Variants in FHOD3 observed in about 807,000 individuals in gnomAD.
The protein encoded by FHOD3 is FH1/FH2 domain-containing protein 3.
A neutral mutation model predicts 173.0 loss-of-function variants in FHOD3; 90 were observed. That is an observed-to-expected ratio of 0.52 (90% confidence interval 0.44 to 0.62). The LOEUF (loss-of-function observed/expected upper bound fraction) is 0.62. Among genes scored for constraint, FHOD3 ranks in the 20% least tolerant of loss-of-function variants. FHOD3 has a pLI of 0.00. For synonymous variants in FHOD3, 828 were observed against 823.0 expected (o/e 1.01, Z -0.10); for missense variants, 1,945 against 2,034.7 (o/e 0.96, Z 0.85).
chr18:36,539,076 A>G (rs961830997), intron 5 of FHOD3, among the ~76,000 whole-genome samples: 3 of 152,260 alleles, frequency 2.0e-5, no homozygotes, highest in Non-Finnish European at 2.9e-5. Context: ...TACGCATCTT[A>G]TGTTGCTTAG....
intron 1 of FHOD3, among the ~76,000 whole-genome samples, chr18:36,325,929 A>T (rs1203136152): frequency 3.3e-5 from 5 of 152,232 alleles, no homozygotes; most frequent in Admixed American, 6.5e-5. Flanking sequence ...AATCTGAACG[A>T]GAAGTTTTAA....
chr18:36,576,540 T>C lies in FHOD3; in HGVS notation c.601T>C (p.Ser201Pro), dbSNP rs2058660375. The C allele has an allele frequency of 2.5e-6, 4 of 1,611,952 alleles. No individual in the cohort carries two copies. Among genetic ancestry groups the C allele is most frequent in the Non-Finnish European group, 3.4e-6 (4 of 1,178,890 alleles). Residue 201 changes from serine (S) to proline (P), a missense_variant, in exon 6 of 29, where the codon TCA (serine) becomes CCA (proline). Transcript: ENST00000590592. The part of the protein sequence containing the change: ...TIQWLYTLIG[S>P]KFRLVVKTAL... ...TCAGTGGCTGTACACTCTCATTGGG[T>C]CAAAGGTAAGGGGAAGTTATGGTTG...
chr18:36,398,709 T>C (rs1196584022), intron 3 of FHOD3, among the ~76,000 whole-genome samples: 1 of 152,238 alleles, frequency 6.6e-6, no homozygotes, highest in Admixed American at 6.5e-5. Flanking sequence ...ATCCCACTCA[T>C]TCACATGTGC....
At chr18:36,754,132 T>G (rs925800716) in intron 24 of FHOD3, among the ~76,000 whole-genome samples, 2 of 152,262 alleles carry the variant, frequency 1.3e-5, no homozygotes, top group Non-Finnish European at 2.9e-5. Flanking sequence ...TTCTACTTTA[T>G]TTTCTTCTAA....
intron 3 of FHOD3, among the ~76,000 whole-genome samples, chr18:36,402,806 C>T (rs1219581209): frequency 6.6e-6 from 1 of 152,194 alleles, no homozygotes; most frequent in Non-Finnish European, 1.5e-5. Context: ...TTCCACTTTT[C>T]AGATTATCTG....
At chr18:36,612,186 T>A in intron 9 of FHOD3, 91 bp downstream of exon 9, 1 of 1,360,300 alleles carries the variant, frequency 7.4e-7, no homozygotes, top group Non-Finnish European at 1.0e-6. Flanking sequence ...GCGTAAAGCG[T>A]ATGAGCACCA....
chr18:36,559,064 C>A (rs1213883191), intron 5 of FHOD3, among the ~76,000 whole-genome samples: 3 of 152,194 alleles, frequency 2.0e-5, no homozygotes, highest in Non-Finnish European at 2.9e-5. Context: ...GTCATCTTCA[C>A]CTATTGTAGT....
rs758818742 is a variant in FHOD3, at chr18:36,681,509, C to T, written c.1909C>T (p.Arg637Trp). ...GTCACTGGCAGCAGAGAGAGAGAGG[C>T]GGCGGCAGGAGAGAGAAGAAAGGTT... Reference protein sequence around the residue: ...QESLAAERERRRQEREERLQR... With the variant: ...QESLAAERERWRQEREERLQR... The change falls in exon 15 of 29, where the codon CGG (arginine) becomes TGG (tryptophan). Residue 637 changes from arginine (R) to tryptophan (W), a missense_variant. This residue lies in a region of FHOD3 where 1,099 missense variants were observed against 1,051.2 expected (regional missense o/e 1.05). Coordinates refer to ENST00000590592, the MANE Select transcript of FHOD3 (RefSeq NM_001281740.3). 20 of 1,613,416 alleles carry T rather than the reference C, an allele frequency of 1.2e-5. No individual in the cohort carries two copies. In the Admixed American group the frequency reaches 1.5e-4, roughly 12 times the overall value.
intron 24 of FHOD3, among the ~76,000 whole-genome samples, chr18:36,751,654 A>G (rs1388904025): frequency 3.3e-5 from 5 of 152,194 alleles, no homozygotes; most frequent in African/African-American, 9.7e-5. Flanking sequence ...ATGTTCCTTC[A>G]ATACCTAGTT....
At chr18:36,597,960 A>G (rs1026077568) in intron 7 of FHOD3, among the ~76,000 whole-genome samples, 1 of 152,206 alleles carries the variant, frequency 6.6e-6, no homozygotes, top group Admixed American at 6.5e-5. Flanking sequence ...TGCTAGTAGA[A>G]TTGTTCCTGA....
At position 36,456,865 on chromosome 18, in the gene FHOD3, G is replaced by C. The variant is rs187120263; in HGVS notation, c.338-45067G>C. Among the ~76,000 whole-genome samples the C allele has an allele frequency of 1.1e-4, 17 of 152,222 alleles. 1 individual carries two copies. The highest frequency in any genetic ancestry group is 2.1e-4 in the Non-Finnish European group (14 of 68,024). ...ACTTGCCACAGTGCCATTTAGTGCT[G>C]ACTAAGTGTGAGTCTGAGAAGAAAA... On this transcript the variant is annotated intron_variant, in intron 3 of 28. Transcript: ENST00000590592.
chr18:36,641,590 C>T (rs1207440446), intron 10 of FHOD3, among the ~76,000 whole-genome samples: 1 of 152,190 alleles, frequency 6.6e-6, no homozygotes, highest in Non-Finnish European at 1.5e-5. Context: ...TCTTCCCTCA[C>T]TGGTCTGTAA....
chr18:36,374,617 A>G (rs1288398256), intron 3 of FHOD3, among the ~76,000 whole-genome samples: 2 of 152,224 alleles, frequency 1.3e-5, no homozygotes, highest in Admixed American at 1.3e-4. Context: ...ATAAAATCTA[A>G]GAGGATTCTA....
At chr18:36,631,105 C>T (rs528568965) in intron 10 of FHOD3, among the ~76,000 whole-genome samples, 49 of 152,274 alleles carry the variant, frequency 3.2e-4, no homozygotes, top group African/African-American at 1.2e-3. Flanking sequence ...AGTGGAGAGC[C>T]CACTTGAGCT....
In FHOD3 at chr18:36,769,352, A is replaced by G. The variant is rs1354061501; in HGVS notation, c.4712A>G (p.Lys1571Arg). 5 of 1,614,210 alleles carry G rather than the reference A, an allele frequency of 3.1e-6. No homozygotes were observed. In the East Asian group the frequency reaches 8.9e-5, roughly 29 times the overall value. ...GATGAGATCATGGACCGCATCGTCA[A>G]GTCAGCCACCCAAGTGCCCAGTCAG... ...AADEIMDRIV[K>R]SATQVPSQRV... Residue 1571 changes from lysine to arginine, a missense_variant, in exon 28 of 29, where the codon AAG becomes AGG. Physicochemically the swap from Lys to Arg is conservative, Grantham distance 26. Coordinates refer to ENST00000590592, the MANE Select transcript of FHOD3 (RefSeq NM_001281740.3).
intron 1 of FHOD3, among the ~76,000 whole-genome samples, chr18:36,342,366 T>A (rs989942233): frequency 6.6e-6 from 1 of 152,130 alleles, no homozygotes; most frequent in African/African-American, 2.4e-5. Context: ...CAAGAAGTGC[T>A]GTGAATACTA....
At chr18:36,380,578 T>TTTTCC (rs71381571) in intron 3 of FHOD3, among the ~76,000 whole-genome samples, 3,944 of 52,342 alleles carry the variant, frequency 0.075, 309 homozygotes, top group Middle Eastern at 0.094. Flanking sequence ...TTTTCTTTTC[T>TTTTCC]TTTCCTTTCC....
At chr18:36,361,388 T>TAA (rs889520750) in intron 2 of FHOD3, among the ~76,000 whole-genome samples, 2 of 152,024 alleles carry the variant, frequency 1.3e-5, no homozygotes, top group Admixed American at 6.6e-5. Flanking sequence ...CTTGCTTTTT[T>TAA]AAAAAAAGCT....
intron 5 of FHOD3, among the ~76,000 whole-genome samples, chr18:36,515,492 C>T (rs976050842): frequency 6.6e-6 from 1 of 152,200 alleles, no homozygotes; most frequent in African/African-American, 2.4e-5. Flanking sequence ...GGTGGGATTA[C>T]AGGCGTGAGC....
Sources: allele counts gnomAD v4.1 joint callset (sites outside exome capture counted in the v4.1 genomes callset), GRCh38; gene constraint gnomAD v4.1.1; regional missense constraint gnomAD v4.1.1; transcripts MANE v1.5; gene names NCBI Gene and HGNC (gene_info 2026-07-23, HGNC 2026-07-21).